STIM2: variants seen among roughly 807,000 people sequenced by gnomAD.
STIM2 encodes stromal interaction molecule 2.
A neutral mutation model predicts 85.8 loss-of-function variants in STIM2; 31 were observed. That is an observed-to-expected ratio of 0.36 (90% CI 0.27 to 0.49). The LOEUF (loss-of-function observed/expected upper bound fraction) is 0.49. STIM2 is among the 20% of genes least tolerant of loss of function. The probability of loss-of-function intolerance (pLI) is 0.98; values close to 1 mark genes in which losing one functional copy is unlikely to be tolerated. For missense variants in STIM2, 841 were observed against 927.6 expected, an observed-to-expected ratio of 0.91 and a Z score of 1.21; for synonymous variants, 356 against 331.1, an observed-to-expected ratio of 1.08 and a Z score of -0.82.
intron 1 of STIM2, among the ~76,000 whole-genome samples, chr4:26,878,621 C>A (rs1013720266): frequency 3.9e-5 from 6 of 152,012 alleles, no homozygotes; most frequent in African/African-American, 1.5e-4. Context: ...GTGTTCTGTT[C>A]TCTTATTTAG....
At chr4:26,968,136 A>C (rs1433885297) in intron 3 of STIM2, among the ~76,000 whole-genome samples, 1 of 152,164 alleles carries the variant, frequency 6.6e-6, no homozygotes, top group Non-Finnish European at 1.5e-5. Context: ...GTGCCACTGC[A>C]CTACAGCCTG....
chr4:27,007,316 ATT>A (rs370537485), intron 7 of STIM2, among the ~76,000 whole-genome samples: 11 of 140,040 alleles, frequency 7.9e-5, no homozygotes, highest in Admixed American at 1.4e-4. Context: ...CTCAGCCTTC[ATT>A]TTTTTTTTTT....
rs1029254186 is a variant in STIM2 at position 27,019,385 on chromosome 4, C to T, written c.1763+1401C>T. ...GGTTAACACTTTATGACTAGCTTTT[C>T]GTCTGTCTTTGCAGTATGATCATAG... On this transcript the variant is annotated intron_variant, in intron 11 of 11. Transcript: ENST00000467087. 6.7e-5 allele frequency: 86 copies of T among 1,276,410 alleles called. 1 individual carries two copies. The African/African-American group carries it at 8.1e-4, about 12-fold the overall frequency. The allele number at this position is 1,276,410 out of a possible 1,614,324, so 79.1% of individuals were successfully genotyped here.
intron 1 of STIM2, among the ~76,000 whole-genome samples, chr4:26,911,151 C>A (rs564096221): frequency 2.6e-5 from 4 of 151,772 alleles, no homozygotes; most frequent in Non-Finnish European, 2.9e-5. Context: ...GCAGGAGAAT[C>A]GCTTGAACCC....
Position 27,003,118 on chromosome 4 carries a change from A to G in STIM2, c.981+14A>G. ...GAATTGGAACAGGTATTTACATTAA[A>G]AAAAAAATCACTTGTAAAGATGTTA... On this transcript the variant is annotated intron_variant, in intron 7 of 11. Transcript: ENST00000467087. The G allele has an allele frequency of 6.4e-7, 1 of 1,551,714 alleles. No individual in the cohort carries two copies. Among genetic ancestry groups the G allele is most frequent in the African/African-American group, 1.4e-5 (1 of 70,404 alleles).
chr4:26,904,450 A>G (rs559942719), intron 1 of STIM2, among the ~76,000 whole-genome samples: 3 of 152,260 alleles, frequency 2.0e-5, no homozygotes, highest in Non-Finnish European at 2.9e-5. Flanking sequence ...CAGTAAGGAG[A>G]ACAAGGCTAT....
intron 3 of STIM2, among the ~76,000 whole-genome samples, chr4:26,963,096 T>C (rs1726546328): frequency 6.6e-6 from 1 of 152,176 alleles, no homozygotes; most frequent in African/African-American, 2.4e-5. Flanking sequence ...ATAATGGTTA[T>C]TTTCAAGTGT....
intron 2 of STIM2, among the ~76,000 whole-genome samples, chr4:26,957,056 A>C (rs1726272567): frequency 6.6e-6 from 1 of 152,166 alleles, no homozygotes; most frequent in Admixed American, 6.6e-5. Flanking sequence ...GCGGATACCA[A>C]AATTCATGGA....
chr4:26,923,078 G>A (rs1490575627), intron 2 of STIM2, among the ~76,000 whole-genome samples: 3 of 151,036 alleles, frequency 2.0e-5, no homozygotes, highest in African/African-American at 7.3e-5. Context: ...CCTGACCCCC[G>A]AGCAGCCTAA....
At chr4:27,003,188 CTA>C in intron 7 of STIM2, 84 bp downstream of exon 7, 1 of 1,328,836 alleles carries the variant, frequency 7.5e-7, no homozygotes. Context: ...CTTCAGTTTC[CTA>C]CATTTAGTTC....
At chr4:26,893,380 T>G (rs562629286) in intron 1 of STIM2, among the ~76,000 whole-genome samples, 1 of 152,340 alleles carries the variant, frequency 6.6e-6, no homozygotes, top group South Asian at 2.1e-4. Context: ...ATAATATTAT[T>G]TAGTTTTGTC....
At chr4:26,885,570 A>G (rs1242132068) in intron 1 of STIM2, among the ~76,000 whole-genome samples, 1 of 151,930 alleles carries the variant, frequency 6.6e-6, no homozygotes, top group African/African-American at 2.4e-5. Context: ...GTAAATCTTG[A>G]TGGTATGAAG....
intron 3 of STIM2, among the ~76,000 whole-genome samples, chr4:26,962,601 T>C (rs942508915): frequency 6.1e-5 from 7 of 114,066 alleles, no homozygotes; most frequent in Admixed American, 9.1e-5. Context: ...TGTGTGTGTG[T>C]ATGTGTGTCT....
At chr4:27,016,481 A>C (rs1222898068) in intron 10 of STIM2, among the ~76,000 whole-genome samples, 10 of 152,164 alleles carry the variant, frequency 6.6e-5, no homozygotes, top group African/African-American at 2.4e-4. Flanking sequence ...CCAAGTTGGG[A>C]GCAGTTTTTT....
intron 1 of STIM2, among the ~76,000 whole-genome samples, chr4:26,891,205 T>C (rs1020857349): frequency 1.3e-5 from 2 of 152,222 alleles, no homozygotes; most frequent in African/African-American, 2.4e-5. Context: ...TTTGTAGATA[T>C]GATTAGTATC....
At chr4:27,007,075 G>C (rs1454209276) in intron 7 of STIM2, among the ~76,000 whole-genome samples, 1 of 152,162 alleles carries the variant, frequency 6.6e-6, no homozygotes, top group Non-Finnish European at 1.5e-5. Flanking sequence ...GGAGTAGAAC[G>C]TGTATCCACC....
At chr4:26,969,475 C>CTAGTGAATAATAGTGA (rs1726851770) in intron 3 of STIM2, among the ~76,000 whole-genome samples, 1 of 152,162 alleles carries the variant, frequency 6.6e-6, no homozygotes, top group Non-Finnish European at 1.5e-5. Context: ...TGCTACAGCT[C>CTAGTGAATAATAGTGA]TACTGCAATG....
chr4:27,006,537 T>A (rs1326923978), intron 7 of STIM2, among the ~76,000 whole-genome samples: 1 of 152,228 alleles, frequency 6.6e-6, no homozygotes. Flanking sequence ...AATTTCATAA[T>A]TACATCCTGT....
chr4:26,861,399 T>C, intron 1 of STIM2, 30 bp downstream of exon 1: 2 of 1,283,336 alleles, frequency 1.6e-6, no homozygotes, highest in South Asian at 2.5e-5. Flanking sequence ...CGGGCGGGGC[T>C]CGGCCGGCAG....
Sources: allele counts gnomAD v4.1 joint callset (sites outside exome capture counted in the v4.1 genomes callset), GRCh38; gene constraint gnomAD v4.1.1; transcripts MANE v1.5; gene names NCBI Gene and HGNC (gene_info 2026-07-23, HGNC 2026-07-21).